GAN: variants seen among roughly 807,000 people sequenced by gnomAD.
GAN encodes epididymis secretory sperm binding protein.
Under a neutral mutation model 71.3 loss-of-function variants are expected in GAN, and 48 were observed. The ratio of observed to expected loss-of-function variants is 0.67; its 90% CI spans 0.53 to 0.86. The LOEUF (loss-of-function observed/expected upper bound fraction) is 0.86. Among genes scored for constraint, GAN ranks in the 40% least tolerant of loss-of-function variants. The pLI, the probability that GAN is intolerant of heterozygous loss-of-function variation, is 0.00. For synonymous variants in GAN, 386 were observed against 276.8 expected, an observed-to-expected ratio of 1.39 and a Z score of -3.92; for missense variants, 928 against 770.1, an observed-to-expected ratio of 1.21 and a Z score of -2.43.
Position 81,365,401 on chromosome 16 carries a change from A to T in GAN, c.1425A>T (p.Gly475=). The T allele has an allele frequency of 6.2e-7, 1 of 1,613,254 alleles. No homozygotes were observed. The highest frequency in any genetic ancestry group is 1.1e-5 in the South Asian group (1 of 91,024). ...GVAMELYVFG[G]VRSREDAQGS... ...CTATGGAGCTGTATGTGTTTGGGGG[A>T]GTCCGAAGTCGTGAGGACGCCCAGG... Residue 475 remains glycine (G), a synonymous_variant, in exon 9 of 11, where the codon GGA becomes GGT. Transcript: ENST00000648994.
At chr16:81,374,837 T>G (rs896749430) in intron 9 of GAN, among the ~76,000 whole-genome samples, 1 of 152,224 alleles carries the variant, frequency 6.6e-6, no homozygotes, top group Non-Finnish European at 1.5e-5. Flanking sequence ...ATTAAATTGA[T>G]TTTCAACAGA....
At chr16:81,350,819 G>A (rs1002046275) in intron 1 of GAN, among the ~76,000 whole-genome samples, 16 of 152,008 alleles carry the variant, frequency 1.1e-4, no homozygotes, top group Admixed American at 6.6e-4. Flanking sequence ...GCACCCAGCC[G>A]AAAAATTCTT....
At chr16:81,331,328 C>T (rs1476762175) in intron 1 of GAN, among the ~76,000 whole-genome samples, 1 of 152,284 alleles carries the variant, frequency 6.6e-6, no homozygotes, top group Non-Finnish European at 1.5e-5. Context: ...AGAGACAAGA[C>T]AACTAACTGC....
In GAN at chr16:81,365,404, C is replaced by G. The variant is rs774365963; in HGVS notation, c.1428C>G (p.Val476=). ...VAMELYVFGG[V]RSREDAQGSE... ...TGGAGCTGTATGTGTTTGGGGGAGTCCGAAGTCGTGAGGACGCCCAGGGTA... is the reference window on the plus strand; with the variant it reads ...TGGAGCTGTATGTGTTTGGGGGAGTGCGAAGTCGTGAGGACGCCCAGGGTA... Residue 476 remains valine (V), a synonymous_variant, in exon 9 of 11, where the codon GTC becomes GTG. Coordinates refer to ENST00000648994, the MANE Select transcript of GAN (RefSeq NM_022041.4). 3 of 1,613,428 alleles carry G rather than the reference C, an allele frequency of 1.9e-6. No homozygotes were observed. The highest frequency in any genetic ancestry group is 2.2e-5 in the South Asian group (2 of 91,018).
At chr16:81,374,087 G>A (rs1904275032) in intron 9 of GAN, among the ~76,000 whole-genome samples, 1 of 152,148 alleles carries the variant, frequency 6.6e-6, no homozygotes. Context: ...TCCTCTTGAA[G>A]GTTATTGGTT....
intron 6 of GAN, among the ~76,000 whole-genome samples, chr16:81,363,451 G>A (rs1910744594): frequency 6.7e-6 from 1 of 149,536 alleles, no homozygotes; most frequent in African/African-American, 2.5e-5. Context: ...TTTGAACGTG[G>A]TACTTCCATG....
intron 1 of GAN, among the ~76,000 whole-genome samples, chr16:81,325,294 C>A (rs371496580): frequency 1.3e-5 from 2 of 152,054 alleles, no homozygotes; most frequent in East Asian, 3.8e-4. Context: ...ACTACTTGGG[C>A]GATCACATAT....
chr16:81,340,315 A>G (rs923310220), intron 1 of GAN, among the ~76,000 whole-genome samples: 4 of 152,216 alleles, frequency 2.6e-5, no homozygotes, highest in African/African-American at 7.2e-5. Flanking sequence ...AAAAAAAATA[A>G]TAAAACCCAT....
chr16:81,317,742 C>T (rs1909092568), intron 1 of GAN, among the ~76,000 whole-genome samples: 1 of 152,220 alleles, frequency 6.6e-6, no homozygotes, highest in Admixed American at 6.5e-5. Flanking sequence ...TTTCACCGTT[C>T]TCTTTGTGTA....
intron 6 of GAN, among the ~76,000 whole-genome samples, chr16:81,362,881 C>T (rs773930428): frequency 6.6e-6 from 1 of 152,196 alleles, no homozygotes; most frequent in Non-Finnish European, 1.5e-5. Flanking sequence ...GTGGCCTGCC[C>T]CCTCCTCGCA....
At chr16:81,357,404 A>T (rs560086732) in intron 4 of GAN, among the ~76,000 whole-genome samples, 1 of 152,018 alleles carries the variant, frequency 6.6e-6, no homozygotes, top group Non-Finnish European at 1.5e-5. Flanking sequence ...ATGATTTCCA[A>T]TTTCATCCAT....
At chr16:81,365,986 T>C (rs1910845073) in intron 9 of GAN, among the ~76,000 whole-genome samples, 1 of 152,184 alleles carries the variant, frequency 6.6e-6, no homozygotes, top group African/African-American at 2.4e-5. Flanking sequence ...CCGAGCCACT[T>C]TCCCCTGCAA....
At position 81,382,541 on chromosome 16, in the gene GAN, G is replaced by A. The variant is rs1266749877; in HGVS notation, c.*4945G>A. On this transcript the variant is annotated 3_prime_UTR_variant, in exon 11 of 11. Coordinates refer to ENST00000648994, the MANE Select transcript of GAN (RefSeq NM_022041.4). ...CTCTCTTATTCCATGTAATTAGTAA[G>A]GGAAAATAAACTATGTCTTAGAATG... The A allele has an allele frequency of 5.3e-5, 8 of 152,176 alleles. No individual in the cohort carries two copies. The highest frequency in any genetic ancestry group is 1.9e-4 in the African/African-American group (8 of 41,434). 9.4% of individuals were successfully genotyped at this position (152,176 alleles called of 1,614,324 possible).
At chr16:81,351,405 A>G (rs1910294668) in intron 1 of GAN, among the ~76,000 whole-genome samples, 178 bp from the exon 2 acceptor site, 1 of 152,198 alleles carries the variant, frequency 6.6e-6, no homozygotes, top group Admixed American at 6.5e-5. Context: ...TCCTGGGACC[A>G]ATGTTTTGTA....
At chr16:81,337,949 G>A (rs1909819719) in intron 1 of GAN, among the ~76,000 whole-genome samples, 1 of 152,136 alleles carries the variant, frequency 6.6e-6, no homozygotes, top group Non-Finnish European at 1.5e-5. Flanking sequence ...CACTAGGGTA[G>A]GTCTCAGGGC....
chr16:81,324,246 T>C (rs2150668383), intron 1 of GAN, among the ~76,000 whole-genome samples: 1 of 152,332 alleles, frequency 6.6e-6, no homozygotes, highest in African/African-American at 2.4e-5. Context: ...CATTGCCCTT[T>C]CTAGACGGAG....
chr16:81,359,611 C>G (rs1298035115), intron 5 of GAN, among the ~76,000 whole-genome samples: 4 of 152,002 alleles, frequency 2.6e-5, no homozygotes, highest in Non-Finnish European at 5.9e-5. Flanking sequence ...TCTTCATTTT[C>G]CATTTTCCAT....
chr16:81,350,518 A>T (rs77038405), intron 1 of GAN, among the ~76,000 whole-genome samples: 9 of 145,140 alleles, frequency 6.2e-5, no homozygotes, highest in Admixed American at 3.4e-4. Context: ...TACTTACTTA[A>T]TTTTTTTTTT....
chr16:81,339,621 C>T (rs1371181033), intron 1 of GAN, among the ~76,000 whole-genome samples: 1 of 152,210 alleles, frequency 6.6e-6, no homozygotes, highest in Non-Finnish European at 1.5e-5. Context: ...AGAACTTGAT[C>T]ATTCCATAGT....
Sources: allele counts gnomAD v4.1 joint callset (sites outside exome capture counted in the v4.1 genomes callset), GRCh38; gene constraint gnomAD v4.1.1; transcripts MANE v1.5; gene names NCBI Gene and HGNC (gene_info 2026-07-23, HGNC 2026-07-21).